Variants in STARD9 observed in about 807,000 individuals in gnomAD.
The protein encoded by STARD9 is StAR related lipid transfer domain containing 9.
STARD9 carries 346 observed loss-of-function variants against 399.8 expected under a neutral mutation model. That is an observed-to-expected ratio of 0.87 (90% CI 0.79 to 0.95). The LOEUF (loss-of-function observed/expected upper bound fraction) is 0.95. Ranked by LOEUF, STARD9 falls within the 40% of genes least tolerant of loss-of-function variation. STARD9 has a pLI of 0.00. For missense variants in STARD9, 5,832 were observed against 5,667.5 expected (o/e 1.03, Z -0.93); for synonymous variants, 2,203 against 2,143.5 (o/e 1.03, Z -0.77).
At chr15:42,698,421 ATTG>A (rs1463703787) in intron 26 of STARD9, among the ~76,000 whole-genome samples, 1 of 152,100 alleles carries the variant, frequency 6.6e-6, no homozygotes, top group Non-Finnish European at 1.5e-5. Flanking sequence ...TGTGTTGAAA[ATTG>A]TATCTCATTT....
intron 20 of STARD9, among the ~76,000 whole-genome samples, chr15:42,678,874 G>A (rs944487508): frequency 1.3e-5 from 2 of 152,230 alleles, no homozygotes; most frequent in African/African-American, 4.8e-5. Flanking sequence ...CTGGGAACTT[G>A]ACAAAATGTG....
chr15:42,703,713 T>G (rs1407255536), intron 26 of STARD9, among the ~76,000 whole-genome samples: 2 of 151,882 alleles, frequency 1.3e-5, no homozygotes, highest in African/African-American at 4.8e-5. Flanking sequence ...TTCTTTAAGC[T>G]TTCTTTTGTT....
chr15:42,582,434 G>C (rs906715556), intron 1 of STARD9, among the ~76,000 whole-genome samples: 2 of 152,106 alleles, frequency 1.3e-5, no homozygotes, highest in Non-Finnish European at 2.9e-5. Flanking sequence ...GGGTCATCTG[G>C]ATTAAGCCCA....
At chr15:42,662,628 A>G (rs2060013104) in intron 10 of STARD9, among the ~76,000 whole-genome samples, 166 bp from the exon 11 acceptor site, 1 of 152,258 alleles carries the variant, frequency 6.6e-6, no homozygotes, top group African/African-American at 2.4e-5. Flanking sequence ...AGTCCAGTTC[A>G]TTACAAAATG....
intron 3 of STARD9, 98 bp from the exon 4 acceptor site, chr15:42,634,757 GT>G (rs1407201569): frequency 1.8e-5 from 11 of 609,736 alleles, no homozygotes; most frequent in Middle Eastern, 8.8e-4. Context: ...AGTCATGTAT[GT>G]TTGAAATATT....
At chr15:42,649,928 G>A (rs544853572) in intron 7 of STARD9, among the ~76,000 whole-genome samples, 36 of 146,820 alleles carry the variant, frequency 2.5e-4, no homozygotes, top group African/African-American at 8.6e-4. Context: ...GTGCAATGGC[G>A]CGATCTCGAC....
intron 15 of STARD9, among the ~76,000 whole-genome samples, chr15:42,666,517 C>G (rs1448478585): frequency 6.6e-6 from 1 of 152,162 alleles, no homozygotes; most frequent in Non-Finnish European, 1.5e-5. Context: ...GTGAGGAAGA[C>G]TAAGCTGGTT....
chr15:42,706,464 T>G (rs2061085805), intron 26 of STARD9, among the ~76,000 whole-genome samples: 1 of 151,996 alleles, frequency 6.6e-6, no homozygotes, highest in Non-Finnish European at 1.5e-5. Flanking sequence ...TTTTTTTTTT[T>G]TTTTGAGACA....
At chr15:42,651,557 T>C (rs560294808) in intron 8 of STARD9, among the ~76,000 whole-genome samples, 52 of 152,316 alleles carry the variant, frequency 3.4e-4, no homozygotes, top group Admixed American at 1.2e-3. Context: ...TAAAAGCTAT[T>C]GTAAATTGTA....
intron 3 of STARD9, among the ~76,000 whole-genome samples, chr15:42,631,393 G>A (rs1595673627): frequency 6.6e-6 from 1 of 151,884 alleles, no homozygotes; most frequent in Admixed American, 6.6e-5. Context: ...ACCAGCCTGG[G>A]AAACATGGTG....
intron 3 of STARD9, among the ~76,000 whole-genome samples, chr15:42,626,904 G>A (rs1158091690): frequency 1.3e-5 from 2 of 151,610 alleles, no homozygotes; most frequent in East Asian, 3.9e-4. Context: ...TAGATGGAGT[G>A]CAGTGGTGTG....
At chr15:42,662,928 T>A in intron 11 of STARD9, 37 bp downstream of exon 11, 1 of 1,391,574 alleles carries the variant, frequency 7.2e-7, no homozygotes, top group South Asian at 1.2e-5. Flanking sequence ...GGAGGGAGAG[T>A]TCGGAAAATA....
intron 26 of STARD9, among the ~76,000 whole-genome samples, chr15:42,700,107 A>T (rs1264576116): frequency 6.6e-6 from 1 of 152,202 alleles, no homozygotes; most frequent in Non-Finnish European, 1.5e-5. Context: ...GCCACAAATG[A>T]CAGAATTTTA....
intron 26 of STARD9, among the ~76,000 whole-genome samples, chr15:42,716,164 C>T (rs1695174964): frequency 6.6e-6 from 1 of 152,130 alleles, no homozygotes. Flanking sequence ...CATTGCAGAT[C>T]CAGAGGGTAA....
Position 42,691,713 on chromosome 15 carries a change from G to T in STARD9, c.10135G>T (p.Ala3379Ser). The change falls in exon 23 of 33, where the codon GCT becomes TCT. Residue 3379 changes from alanine to serine, a missense_variant. Transcript: ENST00000290607. The stretch of plus-strand genomic sequence containing the variant: ...GTCAGTGGCAAGAACATCTCTGCAG[G>T]CTGAGGACAGCAATCAGAAAGCCTC... ...GKSVARTSLQ[A>S]EDSNQKASSR... 1 of 1,537,264 alleles carries T rather than the reference G, an allele frequency of 6.5e-7. No homozygotes were observed. The highest frequency in any genetic ancestry group is 8.7e-7 in the Non-Finnish European group (1 of 1,146,928).
chr15:42,668,328 AT>A (rs2060142353), intron 15 of STARD9, among the ~76,000 whole-genome samples: 1 of 151,898 alleles, frequency 6.6e-6, no homozygotes, highest in African/African-American at 2.4e-5. Flanking sequence ...ACCTGGCATA[AT>A]TTTTTTTAAC....
intron 9 of STARD9, among the ~76,000 whole-genome samples, chr15:42,659,768 C>T (rs960586345): frequency 6.6e-5 from 10 of 152,166 alleles, no homozygotes; most frequent in Middle Eastern, 3.2e-3. Flanking sequence ...TCATGATCCA[C>T]CTGCCTCCAC....
At chr15:42,706,536 C>T (rs377696426) in intron 26 of STARD9, among the ~76,000 whole-genome samples, 2 of 151,504 alleles carry the variant, frequency 1.3e-5, no homozygotes, top group Admixed American at 6.6e-5. Context: ...CTGCAACCTT[C>T]GCCTCAATCT....
intron 16 of STARD9, chr15:42,670,420 T>G (rs925073377): frequency 6.6e-6 from 1 of 152,248 alleles, no homozygotes; most frequent in Non-Finnish European, 1.5e-5. Context: ...GAAGTGGTTT[T>G]GAGAGTTAGT....
Sources: allele counts gnomAD v4.1 joint callset (sites outside exome capture counted in the v4.1 genomes callset), GRCh38; gene constraint gnomAD v4.1.1; transcripts MANE v1.5; gene names NCBI Gene and HGNC (gene_info 2026-07-23, HGNC 2026-07-21).